TTN: variants seen among roughly 807,000 people sequenced by gnomAD.
The protein encoded by TTN is titin, also known as connectin.
In TTN, 1,525 loss-of-function variants were observed where a neutral mutation model predicts 3,223.0. The observed-to-expected ratio is 0.47, with a 90% CI of 0.45 to 0.49. The LOEUF is 0.49. TTN is among the 20% of genes least tolerant of loss of function. TTN has a pLI of 0.00. For missense variants in TTN, 40,786 were observed against 43,424.0 expected (o/e 0.94, Z 5.40); for synonymous variants, 14,094 against 15,161.0 (o/e 0.93, Z 5.17).
At chr2:178,677,945 A>G in intron 145 of TTN, 28 bp from the exon 146 acceptor site, 1 of 1,572,602 alleles carries the variant, frequency 6.4e-7, no homozygotes, top group Non-Finnish European at 8.6e-7. Flanking sequence ...CAAGGGTACA[A>G]ACATCACTTT....
chr2:178,802,093 T>G (rs1238185555), intron 3 of TTN, 45 bp downstream of exon 3: 2 of 1,608,194 alleles, frequency 1.2e-6, no homozygotes, highest in Admixed American at 3.3e-5. Context: ...TTGCTGGAGA[T>G]GTCCTCTGGG....
rs778556139 is a variant in TTN, at chr2:178,535,148, C to T, written c.101467G>A (p.Glu33823Lys). The change falls in exon 358 of 363, where the codon GAA (glutamate) becomes AAA (lysine). Residue 33823 changes from glutamate to lysine, a missense_variant. Glu to Lys is a moderately conservative substitution (Grantham distance 56). Transcript: ENST00000589042. ...KELYEKYMIA[E>K]DLGRGEFGIV... ...CCAAACTCACCACGCCCAAGATCTT[C>T]AGCAATCATATATTTCTCATAGAGT... 1.2e-6 allele frequency: 2 copies of T among 1,613,840 alleles called. No homozygotes were observed. The highest frequency in any genetic ancestry group is 4.5e-5 in the East Asian group (2 of 44,876).
At position 178,719,591 on chromosome 2, in the gene TTN, A is replaced by G. The variant is rs550995785; in HGVS notation, c.23901T>C (p.Val7967=). The G allele has an allele frequency of 6.2e-7, 1 of 1,612,076 alleles. No individual in the cohort carries two copies. The highest frequency in any genetic ancestry group is 1.1e-5 in the South Asian group (1 of 90,996). The part of the protein sequence containing the change: ...GLYSFEVKNS[V]GKSNCTVSVH... ...CGGATACAGTGCAGTTACTTTTGCC[A>G]ACACTGTTTTTCACTTCAAAGCTAT... The change falls in exon 82 of 363, where the codon GTT becomes GTC. Residue 7967 remains valine, a synonymous_variant. Transcript: ENST00000589042.
rs370620400 is a variant in TTN at position 178,699,612 on chromosome 2, C to T, written c.30683-698G>A. Among the ~76,000 whole-genome samples the T allele has an allele frequency of 3.4e-5, 5 of 146,266 alleles. No individual in the cohort carries two copies. In the East Asian group the frequency reaches 9.8e-4, roughly 29 times the overall value. On this transcript the variant is annotated intron_variant, in intron 111 of 362. Transcript: ENST00000589042. ...ATTTTTAGTAGAGACGGGGTTTCAC[C>T]GTGTTAGCCAAGATGGTCTCGATCT... is the stretch of plus-strand genomic sequence containing the variant.
At position 178,557,046 on chromosome 2, in the gene TTN, A is replaced by G; in HGVS notation, c.88108T>C (p.Tyr29370His). ...AFDGGSKITG[Y>H]IVERRDLPDG... ...GGAAGGTCACGTCTCTCAACAATGT[A>G]GCCTGTAATCTTGCTACCTCCATCG... The change falls in exon 330 of 363, where the codon TAC becomes CAC. Residue 29370 changes from tyrosine to histidine, a missense_variant. Physicochemically the swap from Tyr to His is moderately conservative, Grantham distance 83. Coordinates refer to ENST00000589042, the MANE Select transcript of TTN (RefSeq NM_001267550.2). 3 of 1,613,820 alleles carry G rather than the reference A, an allele frequency of 1.9e-6. No individual in the cohort carries two copies. Among genetic ancestry groups the G allele is most frequent in the Non-Finnish European group, 2.5e-6 (3 of 1,179,836 alleles).
chr2:178,765,728 A>T (rs2090260609), intron 41 of TTN, among the ~76,000 whole-genome samples: 1 of 152,184 alleles, frequency 6.6e-6, no homozygotes, highest in South Asian at 2.1e-4. Flanking sequence ...TTTCTCTTGC[A>T]TCTAGGTTAG....
rs1710011007 is a variant in TTN at position 178,576,162 on chromosome 2, C to T, written c.69970G>A (p.Val23324Ile). The change falls in exon 326 of 363, where the codon GTT (valine) becomes ATT (isoleucine). Residue 23324 changes from valine to isoleucine, a missense_variant. By Grantham distance (29) the Val-to-Ile change is conservative (BLOSUM62 3). Coordinates refer to ENST00000589042, the MANE Select transcript of TTN (RefSeq NM_001267550.2). The surrounding 1 kb of genome is among the most constrained non-coding windows in gnomAD (Gnocchi z 4.3). ...TCTGGAATCACCGCTGGCTCCCCAACACCTGCATCGTTGATGGCACTGATT... is the reference window on the plus strand; with the variant it reads ...TCTGGAATCACCGCTGGCTCCCCAATACCTGCATCGTTGATGGCACTGATT... ...FRISAINDAG[V>I]GEPAVIPDVE... 6.2e-7 allele frequency: 1 copy of T among 1,613,160 alleles called. No individual in the cohort carries two copies. The highest frequency in any genetic ancestry group is 1.1e-5 in the South Asian group (1 of 90,984).
rs2068976533 is a variant in TTN, at chr2:178,679,996, T to C, written c.33478A>G (p.Thr11160Ala). The change falls in exon 140 of 363, where the codon ACC becomes GCC. Residue 11160 changes from threonine to alanine, a missense_variant. Thr to Ala is a moderately conservative substitution (Grantham distance 58). Transcript: ENST00000589042. ...EEVAFEEEVV[T>A]HVEEYLVEEE... Reference sequence around the variant, plus strand: ...TCTACAAGATATTCTTCTACATGGGTTACAACTTCCTCTTCAAAGGCAACC... The same window carrying C: ...TCTACAAGATATTCTTCTACATGGGCTACAACTTCCTCTTCAAAGGCAACC... 1.2e-6 allele frequency: 2 copies of C among 1,613,128 alleles called. No homozygotes were observed. The highest frequency in any genetic ancestry group is 2.7e-5 in the African/African-American group (2 of 74,840).
At position 178,672,051 on chromosome 2, in the gene TTN, A is replaced by G. The variant is rs1171255344; in HGVS notation, c.35147T>C (p.Val11716Ala). The change falls in exon 155 of 363, where the codon GTT becomes GCT. Residue 11716 changes from valine (V) to alanine (A), a missense_variant. Transcript: ENST00000589042. Reference sequence around the variant, plus strand: ...TTCTATTACCCTATGAACTTTTTCAACTCTGTGTTCTTCTTCAACTCTATG... The same window carrying G: ...TTCTATTACCCTATGAACTTTTTCAGCTCTGTGTTCTTCTTCAACTCTATG... The part of the protein sequence containing the change: ...EQHRVEEEHR[V>A]EKVHRVIEVF... 6.2e-7 allele frequency: 1 copy of G among 1,611,044 alleles called. No homozygotes were observed. The highest frequency in any genetic ancestry group is 1.1e-5 in the South Asian group (1 of 90,244).
intron 133 of TTN, 131 bp downstream of exon 133, chr2:178,683,868 T>C (rs1028985016): frequency 5.5e-6 from 3 of 547,726 alleles, no homozygotes; most frequent in Non-Finnish European, 8.9e-6. Flanking sequence ...TGAAGTGATA[T>C]GCATTAACAA....
In TTN at chr2:178,681,375, C is replaced by CCTTT; in HGVS notation, c.33244_33247dup (p.Val11083GlufsTer4). ...TTGGTGATTATTACTCAGTAATGTA[C>CCTTT]CTTTGGGTGGTGGAGGTTTGAGTTT... On this transcript the variant is annotated frameshift_variant and splice_region_variant. Coordinates refer to ENST00000589042, the MANE Select transcript of TTN (RefSeq NM_001267550.2). LOFTEE classifies it high-confidence loss of function. The CCTTT allele has an allele frequency of 6.2e-7, 1 of 1,610,870 alleles. No individual in the cohort carries two copies. Among genetic ancestry groups the CCTTT allele is most frequent in the Non-Finnish European group, 8.5e-7 (1 of 1,177,870 alleles).
At position 178,534,993 on chromosome 2, in the gene TTN, G is replaced by A. The variant is rs780835388; in HGVS notation, c.101622C>T (p.Asn33874=). ...CAAATGATTCATGGAGGTGTAAGAT[G>A]TTTCTATGCCTAGCAATATTCAGAA... is the stretch of plus-strand genomic sequence containing the variant. The part of the protein sequence containing the change: ...ISILNIARHR[N]ILHLHESFES... Residue 33874 remains asparagine, a synonymous_variant, in exon 358 of 363, where the codon AAC becomes AAT. Transcript: ENST00000589042. 24 of 1,613,720 alleles carry A rather than the reference G, an allele frequency of 1.5e-5. No homozygotes were observed. The highest frequency in any genetic ancestry group is 1.9e-5 in the Non-Finnish European group (23 of 1,179,816).
rs756520908 is a variant in TTN, at chr2:178,574,653, G to T, written c.71479C>A (p.Pro23827Thr). 2 of 1,613,096 alleles carry T rather than the reference G, an allele frequency of 1.2e-6. No individual in the cohort carries two copies. Among genetic ancestry groups the T allele is most frequent in the South Asian group, 1.1e-5 (1 of 90,970 alleles). Residue 23827 changes from proline (P) to threonine (T), a missense_variant, in exon 326 of 363, where the codon CCT becomes ACT. By Grantham distance (38) the Pro-to-Thr change is conservative. Transcript: ENST00000589042. The stretch of plus-strand genomic sequence containing the variant: ...ACCTGAGGGGTACCAGGAGGTCCAG[G>T]AACCTTAAATGGATAGTTGGCAACT... ...CIVANYPFKV[P>T]GPPGTPQVTA... is the part of the protein sequence containing the mutation.
chr2:178,712,145 C>A lies in TTN; in HGVS notation c.27685G>T (p.Ala9229Ser). 3.7e-6 allele frequency: 6 copies of A among 1,613,802 alleles called. No individual in the cohort carries two copies. Among genetic ancestry groups the A allele is most frequent in the Non-Finnish European group, 5.1e-6 (6 of 1,179,798 alleles). The part of the protein sequence containing the change: ...GDSASLQCQL[A>S]GTPEIGVSWY... ...GATACCCCAATTTCAGGGGTTCCAG[C>A]AAGCTGGCATTGTAGAGAGGCAGAA... The change falls in exon 96 of 363, where the codon GCT (alanine) becomes TCT (serine). Residue 9229 changes from alanine (A) to serine (S), a missense_variant. Coordinates refer to ENST00000589042, the MANE Select transcript of TTN (RefSeq NM_001267550.2).
chr2:178,590,188 C>T lies in TTN; in HGVS notation c.61537G>A (p.Glu20513Lys). Residue 20513 changes from glutamate (E) to lysine (K), a missense_variant, in exon 304 of 363, where the codon GAA becomes AAA. Physicochemically the swap from Glu to Lys is moderately conservative, Grantham distance 56. Transcript: ENST00000589042. Reference sequence around the variant, plus strand: ...TTTTCTCGGACCAATACTTTGCCTTCCTTAGTCCAAGTTATGTCTGGTTCA... The same window carrying T: ...TTTTCTCGGACCAATACTTTGCCTTTCTTAGTCCAAGTTATGTCTGGTTCA... The part of the protein sequence containing the change: ...RPEPDITWTK[E>K]GKVLVREKRV... 1.2e-6 allele frequency: 2 copies of T among 1,610,696 alleles called. No individual in the cohort carries two copies. Among genetic ancestry groups the T allele is most frequent in the Non-Finnish European group, 8.5e-7 (1 of 1,178,410 alleles).
In TTN at chr2:178,537,568, T is replaced by C. The variant is rs755522463; in HGVS notation, c.99639A>G (p.Thr33213=). The C allele has an allele frequency of 3.7e-6, 6 of 1,613,816 alleles. No individual in the cohort carries two copies. Among genetic ancestry groups the C allele is most frequent in the South Asian group, 2.2e-5 (2 of 91,072 alleles). The change falls in exon 355 of 363, where the codon ACA becomes ACG. Residue 33213 remains threonine (T), a synonymous_variant. Coordinates refer to ENST00000589042, the MANE Select transcript of TTN (RefSeq NM_001267550.2). ...CAATGTACATAACATGAAGCCGAAGTGTGGAACCCACAGCTCCATAATATT... is the reference window on the plus strand; with the variant it reads ...CAATGTACATAACATGAAGCCGAAGCGTGGAACCCACAGCTCCATAATATT... ...KEKYYGAVGS[T]LRLHVMYIGR... is the part of the protein sequence containing the mutation.
Position 178,621,089 on chromosome 2 carries a change from A to G in TTN, c.45616+13T>C. 6.2e-7 allele frequency: 1 copy of G among 1,610,338 alleles called. No homozygotes were observed. The highest frequency in any genetic ancestry group is 1.1e-5 in the South Asian group (1 of 90,390). ...AAACAAACAAAAAACCCTAAAAGCA[A>G]GAACAAACTTACCAATGACTGTCAA... On this transcript the variant is annotated intron_variant, in intron 246 of 362. Transcript: ENST00000589042.
intron 24 of TTN, 174 bp from the exon 25 acceptor site, chr2:178,778,149 C>T: frequency 1.2e-6 from 1 of 836,508 alleles, no homozygotes; most frequent in Non-Finnish European, 1.8e-6. Flanking sequence ...GTTGCCCCCA[C>T]AACTATGTTT....
chr2:178,601,894 G>T lies in TTN; in HGVS notation c.55290C>A (p.Pro18430=). The change falls in exon 285 of 363, where the codon CCC becomes CCA. Residue 18430 remains proline (P), a synonymous_variant. Transcript: ENST00000589042. ...KAMKDGVHDI[P]EDAQLETAEN... ...ATTATTTTTTTACCTGTGCATCTTC[G>T]GGTATGTCATGAACTCCATCCTATT... 6.2e-7 allele frequency: 1 copy of T among 1,611,496 alleles called. No individual in the cohort carries two copies. The highest frequency in any genetic ancestry group is 8.5e-7 in the Non-Finnish European group (1 of 1,178,932).
Sources: gnomAD v4.1 joint callset for allele counts (sites outside exome capture counted in the v4.1 genomes callset) on GRCh38, gnomAD v4.1.1 for gene constraint, Gnocchi (gnomAD v3.1) non-coding constraint, MANE v1.5 for transcripts, NCBI Gene and HGNC (gene_info 2026-07-23, HGNC 2026-07-21) for gene names.